PELI1: variants seen among roughly 807,000 people sequenced by gnomAD.
PELI1 encodes E3 ubiquitin-protein ligase pellino homolog 1.
In PELI1, 15 loss-of-function variants were observed where a neutral mutation model predicts 41.3. The ratio of observed to expected loss-of-function variants is 0.36; its 90% CI spans 0.24 to 0.56. PELI1 has a LOEUF of 0.56. PELI1 is among the 20% of genes least tolerant of loss of function. The pLI is 0.82. For missense variants in PELI1, 403 were observed against 525.5 expected (o/e 0.77, Z 2.28); for synonymous variants, 178 against 180.1 (o/e 0.99, Z 0.09).
At chr2:64,113,242 CAG>C (rs991492882) in intron 1 of PELI1, among the ~76,000 whole-genome samples, 1 of 150,672 alleles carries the variant, frequency 6.6e-6, no homozygotes, top group African/African-American at 2.4e-5. Context: ...TTTGAGGCTA[CAG>C]TGAGCTGTGA....
intron 6 of PELI1, 27 bp from the exon 7 acceptor site, chr2:64,095,295 T>A: frequency 6.7e-7 from 1 of 1,501,992 alleles, no homozygotes; most frequent in South Asian, 1.1e-5. Context: ...TTGAAAAACA[T>A]ATTCACCACT....
In PELI1 at chr2:64,110,928, A is replaced by AATATATATATAT. The variant is rs113178570; in HGVS notation, c.-69-2561_-69-2550dup. On this transcript the variant is annotated intron_variant, in intron 1 of 6. Coordinates refer to ENST00000358912, the MANE Select transcript of PELI1 (RefSeq NM_020651.4). ...GTGACAGAGCAAGACTCCATTTCAA[A>AATATATATATAT]ATATATATATATATATGTATTTGAC... 6.0e-4 allele frequency among the ~76,000 whole-genome samples: 90 copies of AATATATATATAT among 149,400 alleles called. 1 individual carries two copies. The East Asian group carries it at 6.2e-3, about 10-fold the overall frequency.
At chr2:64,095,521 G>T (rs1027299297) in intron 6 of PELI1, among the ~76,000 whole-genome samples, 1 of 152,164 alleles carries the variant, frequency 6.6e-6, no homozygotes, top group Non-Finnish European at 1.5e-5. Flanking sequence ...TAATCAATAA[G>T]TCTAATATTT....
chr2:64,132,877 T>C (rs1681599305), intron 1 of PELI1, among the ~76,000 whole-genome samples: 1 of 152,158 alleles, frequency 6.6e-6, no homozygotes, highest in South Asian at 2.1e-4. Flanking sequence ...GCCCCAGCCA[T>C]ACTTACTGAA....
rs1021254506 is a variant in PELI1, at chr2:64,093,994, G to A, written c.*708C>T. The A allele has an allele frequency of 2.6e-5, 4 of 152,618 alleles. No homozygotes were observed. Among genetic ancestry groups the A allele is most frequent in the African/African-American group, 7.2e-5 (3 of 41,440 alleles). The allele number at this position is 152,618 out of a possible 1,614,324, so 9.5% of individuals were successfully genotyped here. ...AAGTTTTTGTTATAGTACTACGCTC[G>A]AGAGAAACATTAAGAAAAAATCTTT... On this transcript the variant is annotated 3_prime_UTR_variant, in exon 7 of 7. Coordinates refer to ENST00000358912, the MANE Select transcript of PELI1 (RefSeq NM_020651.4).
intron 1 of PELI1, among the ~76,000 whole-genome samples, chr2:64,137,948 A>G (rs1681772261): frequency 6.6e-6 from 1 of 152,232 alleles, no homozygotes. Context: ...ACTCTAAAGT[A>G]TAAGACTTAT....
Position 64,128,144 on chromosome 2 carries a change from G to GTA in PELI1, c.-70+15936_-70+15937insTA, listed in dbSNP as rs199720795. On this transcript the variant is annotated intron_variant, in intron 1 of 6. Coordinates refer to ENST00000358912, the MANE Select transcript of PELI1 (RefSeq NM_020651.4). The stretch of plus-strand genomic sequence containing the variant: ...AAGGTGTGTACAGGGGTAAGGAGCA[G>GTA]TGGTATAGTTTTAAAGCCTAGAAAA... 4.1e-4 allele frequency among the ~76,000 whole-genome samples: 63 copies of GTA among 152,292 alleles called. No individual in the cohort carries two copies. The East Asian group carries it at 0.012, about 29-fold the overall frequency.
intron 1 of PELI1, among the ~76,000 whole-genome samples, chr2:64,131,892 G>A (rs559978800): frequency 1.1e-4 from 17 of 152,148 alleles, no homozygotes; most frequent in Admixed American, 9.8e-4. Context: ...AAGTGCTGGG[G>A]TTACAGGCAT....
chr2:64,101,976 T>C (rs1340278258), intron 3 of PELI1, among the ~76,000 whole-genome samples: 2 of 151,980 alleles, frequency 1.3e-5, no homozygotes, highest in East Asian at 1.9e-4. Flanking sequence ...TACAGGTGCA[T>C]GCCACCACGC....
Position 64,144,123 on chromosome 2 carries a change from A to G in PELI1, c.-112T>C, listed in dbSNP as rs1466634457. The G allele has an allele frequency of 1.8e-4, 27 of 151,694 alleles. No individual in the cohort carries two copies. The highest frequency in any genetic ancestry group is 1.7e-3 in the Admixed American group (26 of 15,242). The allele number at this position is 151,694 out of a possible 1,614,324, so 9.4% of individuals were successfully genotyped here. ...CCGGGATCCCAGAGCGGCCCCCGAG[A>G]CCCGAGGCGAGAGGGTGAAGTGTTG... On this transcript the variant is annotated 5_prime_UTR_variant, in exon 1 of 7. Coordinates refer to ENST00000358912, the MANE Select transcript of PELI1 (RefSeq NM_020651.4).
intron 4 of PELI1, among the ~76,000 whole-genome samples, chr2:64,100,093 T>C (rs1263088097): frequency 2.0e-5 from 3 of 152,288 alleles, no homozygotes; most frequent in East Asian, 3.8e-4. Context: ...CAGTGCTGAG[T>C]ACTCTACATG....
chr2:64,143,794 G>C (rs1019194378), intron 1 of PELI1, among the ~76,000 whole-genome samples: 1 of 151,914 alleles, frequency 6.6e-6, no homozygotes, highest in South Asian at 2.1e-4. Context: ...CGGAGCGCGC[G>C]GCCAGCCAGG....
chr2:64,104,586 A>G (rs989123130), intron 3 of PELI1, 115 bp downstream of exon 3: 47 of 1,374,936 alleles, frequency 3.4e-5, no homozygotes, highest in Admixed American at 1.6e-4. Flanking sequence ...CAATCCAAAC[A>G]AAAGGCAATT....
Position 64,104,731 on chromosome 2 carries a change from C to A in PELI1, c.171G>T (p.Val57=). The change falls in exon 3 of 7, where the codon GTG becomes GTT. Residue 57 remains valine, a synonymous_variant. Coordinates refer to ENST00000358912, the MANE Select transcript of PELI1 (RefSeq NM_020651.4). ...CAGCCTGAGGAGTACAAGCAATATGCACAGTGCTGGGCTTCACCCCATTTG... is the reference window on the plus strand; with the variant it reads ...CAGCCTGAGGAGTACAAGCAATATGAACAGTGCTGGGCTTCACCCCATTTG... ...PKANGVKPST[V]HIACTPQAAK... is the part of the protein sequence containing the mutation. 1 of 1,607,520 alleles carries A rather than the reference C, an allele frequency of 6.2e-7. No individual in the cohort carries two copies. The highest frequency in any genetic ancestry group is 8.5e-7 in the Non-Finnish European group (1 of 1,178,192).
At chr2:64,143,944 G>A (rs1458487145) in intron 1 of PELI1, 137 bp downstream of exon 1, 1 of 136,738 alleles carries the variant, frequency 7.3e-6, no homozygotes, top group African/African-American at 2.8e-5. Context: ...CCGCCGCAGC[G>A]GGGGCGCGCA....
Position 64,104,694 on chromosome 2 carries a change from T to A in PELI1, c.201+7A>T, listed in dbSNP as rs1680563080. ...TAATTTATGTAGCTTTTTTTTTTTT[T>A]TTTTACCTTTGCAGCCTGAGGAGTA... is the stretch of plus-strand genomic sequence containing the variant. On this transcript the variant is annotated splice_region_variant and intron_variant, in intron 3 of 6. Coordinates refer to ENST00000358912, the MANE Select transcript of PELI1 (RefSeq NM_020651.4). The A allele has an allele frequency of 6.4e-7, 1 of 1,557,430 alleles. No homozygotes were observed. Among genetic ancestry groups the A allele is most frequent in the African/African-American group, 1.4e-5 (1 of 71,940 alleles).
intron 1 of PELI1, among the ~76,000 whole-genome samples, chr2:64,139,951 A>T (rs1681843892): frequency 6.6e-6 from 1 of 152,198 alleles, no homozygotes; most frequent in African/African-American, 2.4e-5. Context: ...ACTATCCCTA[A>T]AACAGATTTC....
chr2:64,107,953 CA>C (rs1182935763), intron 2 of PELI1, among the ~76,000 whole-genome samples: 1 of 152,254 alleles, frequency 6.6e-6, no homozygotes, highest in African/African-American at 2.4e-5. Context: ...GCTGGGATTA[CA>C]GGCGTGAGCC....
chr2:64,124,356 A>G (rs1681319955), intron 1 of PELI1, among the ~76,000 whole-genome samples: 1 of 152,216 alleles, frequency 6.6e-6, no homozygotes, highest in African/African-American at 2.4e-5. Flanking sequence ...GCTCTAGCAC[A>G]TTAAAAACAA....
Sources: gnomAD v4.1 joint callset for allele counts (sites outside exome capture counted in the v4.1 genomes callset) on GRCh38, gnomAD v4.1.1 for gene constraint, MANE v1.5 for transcripts, NCBI Gene and HGNC (gene_info 2026-07-23, HGNC 2026-07-21) for gene names.